DMD: variants seen among roughly 807,000 people sequenced by gnomAD.
DMD encodes the protein mutant dystrophin.
Under a neutral mutation model 330.1 loss-of-function variants are expected in DMD, and 63 were observed. The ratio of observed to expected loss-of-function variants is 0.19; its 90% CI spans 0.16 to 0.24. The LOEUF is 0.24. DMD is among the 10% of genes least tolerant of loss of function. DMD has a pLI of 1.00. For synonymous variants in DMD, 1,223 were observed against 959.8 expected (o/e 1.27, Z -5.07); for missense variants, 3,344 against 2,684.1 (o/e 1.25, Z -5.43).
At chrX:32,779,765 G>A (rs1457727500) in intron 7 of DMD, among the ~76,000 whole-genome samples, 1 of 104,950 alleles carries the variant, frequency 9.5e-6, no homozygotes, top group African/African-American at 3.5e-5. Context: ...TATACCTAAT[G>A]TTAAATGACG....
chrX:33,249,532 C>T (rs973320469), intron 1 of DMD, among the ~76,000 whole-genome samples: 1 of 111,729 alleles, frequency 9.0e-6, no homozygotes. Flanking sequence ...GACATACTTA[C>T]ATAAATTTGA....
At chrX:33,151,377 A>G (rs1214023964) in intron 1 of DMD, among the ~76,000 whole-genome samples, 1 of 112,845 alleles carries the variant, frequency 8.9e-6, no homozygotes, top group Non-Finnish European at 1.9e-5. Context: ...TTAATACAGA[A>G]TATTATTTCT....
intron 2 of DMD, among the ~76,000 whole-genome samples, chrX:32,890,069 ATG>A (rs763126065): frequency 2.0e-3 from 225 of 111,926 alleles, no homozygotes; most frequent in African/African-American, 6.9e-3. Flanking sequence ...GTAGATCCTT[ATG>A]TGGGGATTTC....
At chrX:31,247,208 A>T (rs2147408998) in intron 63 of DMD, among the ~76,000 whole-genome samples, 1 of 111,992 alleles carries the variant, frequency 8.9e-6, no homozygotes, top group Non-Finnish European at 1.9e-5. Flanking sequence ...GATTAAGAAA[A>T]AATTGTGACT....
At chrX:32,833,682 TAATTTC>T (rs2079347244) in intron 4 of DMD, among the ~76,000 whole-genome samples, 1 of 62,697 alleles carries the variant, frequency 1.6e-5, no homozygotes, top group Non-Finnish European at 3.0e-5. Context: ...TCACGTATAC[TAATTTC>T]AAGTAAAAAA....
chrX:33,002,257 T>TG (rs1226876369), intron 2 of DMD, among the ~76,000 whole-genome samples: 2 of 111,259 alleles, frequency 1.8e-5, no homozygotes, highest in Non-Finnish European at 3.8e-5. Context: ...AGGTTCTTGG[T>TG]GTCTTGATCA....
chrX:32,176,369 A>G (rs2147405061), intron 44 of DMD, among the ~76,000 whole-genome samples: 1 of 111,454 alleles, frequency 9.0e-6, no homozygotes. Context: ...CACCCAATAT[A>G]TTAATGAATA....
At chrX:32,364,296 A>C (rs898774194) in intron 36 of DMD, among the ~76,000 whole-genome samples, 7 of 112,195 alleles carry the variant, frequency 6.2e-5, no homozygotes, top group African/African-American at 2.3e-4. Flanking sequence ...CAAAGGCAGA[A>C]ATTTGCAATA....
At chrX:31,358,050 C>T (rs1010674410) in intron 60 of DMD, among the ~76,000 whole-genome samples, 99 of 110,138 alleles carry the variant, frequency 9.0e-4, no homozygotes, top group African/African-American at 3.2e-3. Flanking sequence ...TCTCTACGGT[C>T]TCTCTCCCTC....
At chrX:31,441,342 A>G (rs1190759662) in intron 60 of DMD, among the ~76,000 whole-genome samples, 1 of 111,434 alleles carries the variant, frequency 9.0e-6, no homozygotes, top group Non-Finnish European at 1.9e-5. Context: ...GATTACAGGC[A>G]CGCACCACCA....
chrX:31,835,518 T>A (rs903578205), intron 49 of DMD, among the ~76,000 whole-genome samples: 1 of 111,962 alleles, frequency 8.9e-6, no homozygotes, highest in African/African-American at 3.3e-5. Flanking sequence ...TTGAACTGGA[T>A]ACAAACTACT....
At chrX:31,232,460 G>A (rs189386270) in intron 63 of DMD, among the ~76,000 whole-genome samples, 157 of 111,793 alleles carry the variant, frequency 1.4e-3, no homozygotes, top group African/African-American at 4.8e-3. Flanking sequence ...ATGACCTGCT[G>A]GTAACCAACT....
At chrX:31,180,998 C>T (rs1481695498) in intron 68 of DMD, among the ~76,000 whole-genome samples, 1 of 112,128 alleles carries the variant, frequency 8.9e-6, no homozygotes, top group East Asian at 2.8e-4. Flanking sequence ...TTCTAATTGA[C>T]TGATACGATT....
chrX:31,420,447 A>T (rs775750683), intron 60 of DMD, among the ~76,000 whole-genome samples: 71 of 112,486 alleles, frequency 6.3e-4, no homozygotes, highest in Non-Finnish European at 1.0e-3. Flanking sequence ...ACAAATAATG[A>T]TTGCCAGGCA....
intron 47 of DMD, among the ~76,000 whole-genome samples, chrX:31,900,950 T>G (rs955218309): frequency 1.8e-5 from 2 of 111,331 alleles, no homozygotes; most frequent in Non-Finnish European, 3.8e-5. Flanking sequence ...CCCCTGTGAG[T>G]GGATTATCAG....
rs560212408 is a variant in DMD at position 33,250,085 on chromosome X, TTATATA to T, written c.7+89168_7+89173del. On this transcript the variant is annotated intron_variant, in intron 1 of 17. Transcript: ENST00000288447. ...AGCCCACATAGTAGTAAACTATTCA[TTATATA>T]TATATATATATATATATATATCAAT... Among the ~76,000 whole-genome samples, 266 of 75,407 alleles carry T rather than the reference TTATATA, an allele frequency of 3.5e-3. 4 individuals are homozygous for T. Among genetic ancestry groups the T allele is most frequent in the African/African-American group, 0.017 (240 of 13,887 alleles). 65.5% of individuals were successfully genotyped at this position (75,407 alleles called of 115,157 possible).
At chrX:31,853,779 T>A (rs1053118593) in intron 48 of DMD, among the ~76,000 whole-genome samples, 6 of 111,756 alleles carry the variant, frequency 5.4e-5, no homozygotes, top group African/African-American at 9.8e-5. Context: ...GAACTATAAA[T>A]ACCTAATGGA....
At chrX:31,296,502 CTGAGGAAACGTGCTTACTGCTCCCTTTA>C (rs1380564396) in intron 62 of DMD, among the ~76,000 whole-genome samples, 1 of 111,638 alleles carries the variant, frequency 9.0e-6, no homozygotes, top group Non-Finnish European at 1.9e-5. Flanking sequence ...AAAGATTCTC[CTGAGGAAACGTGCTTACTGCTCCCTTTA>C]CAGTAGGTCA....
rs150991514 is a variant in DMD at position 32,410,428 on chromosome X, A to C, written c.4233+1324T>G. 6.7e-3 allele frequency among the ~76,000 whole-genome samples: 749 copies of C among 112,115 alleles called. 4 individuals are homozygous for C. Among genetic ancestry groups the C allele is most frequent in the South Asian group, 0.065 (177 of 2,707 alleles). Reference sequence around the variant, plus strand: ...TTGGTCAAAGTTAGACAATATGGTAAATTAACTCATGCTATTGTGTATACT... The same window carrying C: ...TTGGTCAAAGTTAGACAATATGGTACATTAACTCATGCTATTGTGTATACT... On this transcript the variant is annotated intron_variant, in intron 30 of 78. Coordinates refer to ENST00000357033, the MANE Select transcript of DMD (RefSeq NM_004006.3).
Sources: gnomAD v4.1 joint callset for allele counts (sites outside exome capture counted in the v4.1 genomes callset) on GRCh38, gnomAD v4.1.1 for gene constraint, MANE v1.5 for transcripts, NCBI Gene and HGNC (gene_info 2026-07-23, HGNC 2026-07-21) for gene names.